The following M1AP variants were observed in gnomAD, a reference collection of about 807,000 sequenced individuals.
M1AP encodes the protein meiosis 1 arrest protein.
In M1AP, 39 loss-of-function variants were observed where a neutral mutation model predicts 51.2. The ratio of observed to expected loss-of-function variants is 0.76; its 90% CI spans 0.59 to 1.00. M1AP has a LOEUF of 1.00. M1AP is among the 50% of genes least tolerant of loss of function. The pLI, the probability that M1AP is intolerant of heterozygous loss-of-function variation, is 0.00. For missense variants in M1AP, 545 were observed against 641.2 expected, an observed-to-expected ratio of 0.85 and a Z score of 1.62; for synonymous variants, 251 against 249.2, an observed-to-expected ratio of 1.01 and a Z score of -0.07.
chr2:74,592,845 G>A lies in M1AP; in HGVS notation c.596-10998C>T, dbSNP rs374562770. Reference sequence around the variant, plus strand: ...CCAGATGGCTAAACCAGTTGTCCCAGCATTACTTTTTGAGCAAGTTCATCT... The same window carrying A: ...CCAGATGGCTAAACCAGTTGTCCCAACATTACTTTTTGAGCAAGTTCATCT... On this transcript the variant is annotated intron_variant, in intron 4 of 10. Transcript: ENST00000421985. Among the ~76,000 whole-genome samples, 10 of 152,256 alleles carry A rather than the reference G, an allele frequency of 6.6e-5. No individual in the cohort carries two copies. The East Asian group carries it at 1.9e-3, about 29-fold the overall frequency.
In M1AP at chr2:74,575,520, C is replaced by G; in HGVS notation, c.992G>C (p.Arg331Thr). The change falls in exon 7 of 11, where the codon AGA becomes ACA. Residue 331 changes from arginine (R) to threonine (T), a missense_variant. Coordinates refer to ENST00000421985, the MANE Select transcript of M1AP (RefSeq NM_001321739.2). ...SLTYGLPFIL[R>T]PTSCWQLDWD... ...GTCCAGCTGCCAACAGCTTGTAGGT[C>G]TGAGGATGAACGGGAGTCCATATGT... is the stretch of plus-strand genomic sequence containing the variant. The G allele has an allele frequency of 6.2e-7, 1 of 1,614,188 alleles. No homozygotes were observed. Among genetic ancestry groups the G allele is most frequent in the Non-Finnish European group, 8.5e-7 (1 of 1,180,032 alleles).
At chr2:74,571,971 T>C (rs1678769640) in intron 7 of M1AP, among the ~76,000 whole-genome samples, 1 of 143,960 alleles carries the variant, frequency 6.9e-6, no homozygotes, top group East Asian at 2.0e-4. Context: ...ACTCCAGGCC[T>C]GGGCAACAAG....
At chr2:74,617,350 A>G (rs1573154126) in intron 2 of M1AP, among the ~76,000 whole-genome samples, 1 of 152,366 alleles carries the variant, frequency 6.6e-6, no homozygotes, top group Admixed American at 6.5e-5. Flanking sequence ...ACTTCGGACT[A>G]AGCTTGTTTG....
At chr2:74,583,051 A>C (rs2104595650) in intron 4 of M1AP, among the ~76,000 whole-genome samples, 1 of 151,924 alleles carries the variant, frequency 6.6e-6, no homozygotes, top group East Asian at 1.9e-4. Context: ...ATAAAAAATA[A>C]AACATGGGAG....
At chr2:74,623,910 G>A (rs565487041) in intron 2 of M1AP, among the ~76,000 whole-genome samples, 33 of 152,198 alleles carry the variant, frequency 2.2e-4, no homozygotes, top group South Asian at 6.2e-4. Context: ...GCGCTCAAGC[G>A]ATCCTCCCAA....
In M1AP at chr2:74,560,391, G is replaced by T. The variant is rs1677838727; in HGVS notation, c.1282-100C>A. 13 of 1,266,346 alleles carry T rather than the reference G, an allele frequency of 1.0e-5. No homozygotes were observed. In the Middle Eastern group the frequency reaches 8.6e-4, roughly 84 times the overall value. The allele number at this position is 1,266,346 out of a possible 1,614,324, so 78.4% of individuals were successfully genotyped here. On this transcript the variant is annotated intron_variant, in intron 8 of 10. Coordinates refer to ENST00000421985, the MANE Select transcript of M1AP (RefSeq NM_001321739.2). ...GAGTGTGAGGGGCTGGAGGAAGTGT[G>T]AAACCCCAGGGCTGCCATGAAGGCT...
At chr2:74,598,700 T>C (rs1680497421) in intron 4 of M1AP, among the ~76,000 whole-genome samples, 2 of 151,080 alleles carry the variant, frequency 1.3e-5, no homozygotes, top group South Asian at 2.1e-4. Context: ...TCTTCATTTA[T>C]TGTGGCCTTG....
At chr2:74,641,695 C>G (rs550771242) in intron 1 of M1AP, among the ~76,000 whole-genome samples, 1 of 149,092 alleles carries the variant, frequency 6.7e-6, no homozygotes, top group Admixed American at 6.7e-5. Context: ...AAGATGGTCT[C>G]AAACTCCTGG....
At chr2:74,594,185 T>C (rs114507736) in intron 4 of M1AP, among the ~76,000 whole-genome samples, 10 of 152,234 alleles carry the variant, frequency 6.6e-5, no homozygotes, top group African/African-American at 2.4e-4. Context: ...AGCAATATAA[T>C]AGAATCCAGA....
At chr2:74,624,613 T>C (rs1167054468) in intron 2 of M1AP, among the ~76,000 whole-genome samples, 1 of 152,214 alleles carries the variant, frequency 6.6e-6, no homozygotes, top group Admixed American at 6.5e-5. Flanking sequence ...TATAAATTGG[T>C]ATTTTATCAG....
At position 74,571,806 on chromosome 2, in the gene M1AP, G is replaced by C. The variant is rs541324639; in HGVS notation, c.1074+3632C>G. Among the ~76,000 whole-genome samples, 44 of 152,264 alleles carry C rather than the reference G, an allele frequency of 2.9e-4. 1 individual carries two copies. Among genetic ancestry groups the C allele is most frequent in the Admixed American group, 1.6e-3 (25 of 15,290 alleles). On this transcript the variant is annotated intron_variant, in intron 7 of 10. Coordinates refer to ENST00000421985, the MANE Select transcript of M1AP (RefSeq NM_001321739.2). The stretch of plus-strand genomic sequence containing the variant: ...GAGGTTGGGAGTTTGCGACCAGCCT[G>C]ACCAACATGGAGAAACCCCGTCTCT...
chr2:74,646,660 G>T (rs1010078560), intron 1 of M1AP, among the ~76,000 whole-genome samples: 1 of 152,160 alleles, frequency 6.6e-6, no homozygotes, highest in African/African-American at 2.4e-5. Flanking sequence ...GTTTTACTAT[G>T]AGAGTTTTTT....
chr2:74,624,894 T>C (rs753490194), intron 2 of M1AP, among the ~76,000 whole-genome samples: 6 of 152,198 alleles, frequency 3.9e-5, no homozygotes, highest in Non-Finnish European at 5.9e-5. Context: ...CTGCAAACAG[T>C]GCTAAAATGA....
rs931103432 is a variant in M1AP at position 74,633,220 on chromosome 2, C to T, written c.240+6816G>A. Among the ~76,000 whole-genome samples the T allele has an allele frequency of 4.6e-5, 7 of 152,148 alleles. No individual in the cohort carries two copies. In the South Asian group the frequency reaches 6.2e-4, roughly 14 times the overall value. On this transcript the variant is annotated intron_variant, in intron 2 of 10. Coordinates refer to ENST00000421985, the MANE Select transcript of M1AP (RefSeq NM_001321739.2). ...CCAGATTGCCATGGGATGGCTGCAT[C>T]CTTCTTCTGAAGGCAACATGATTCT...
Position 74,581,665 on chromosome 2 carries a change from A to AT in M1AP, c.769+8dup. On this transcript the variant is annotated intron_variant, in intron 5 of 10. Transcript: ENST00000421985. ...ATCATAGCCTAAATATCTTTTGGGG[A>AT]TTATGTACTTGGATTATCTCTGGGT... is the stretch of plus-strand genomic sequence containing the variant. The AT allele has an allele frequency of 6.2e-7, 1 of 1,611,710 alleles. No homozygotes were observed. Among genetic ancestry groups the AT allele is most frequent in the African/African-American group, 1.3e-5 (1 of 74,958 alleles).
intron 1 of M1AP, among the ~76,000 whole-genome samples, chr2:74,645,953 A>G (rs879615227): frequency 2.2e-4 from 34 of 152,362 alleles, no homozygotes; most frequent in Middle Eastern, 3.4e-3. Context: ...CCAACAACAC[A>G]GTTCAAATTT....
intron 5 of M1AP, among the ~76,000 whole-genome samples, chr2:74,578,170 A>G (rs1158426010): frequency 6.6e-6 from 1 of 151,962 alleles, no homozygotes; most frequent in Non-Finnish European, 1.5e-5. Context: ...GGGGTTGGGG[A>G]CCCCGATCTA....
intron 5 of M1AP, 105 bp from the exon 6 acceptor site, chr2:74,576,723 C>A: frequency 1.5e-6 from 2 of 1,335,314 alleles, no homozygotes; most frequent in South Asian, 2.7e-5. Context: ...ATCTGCTACC[C>A]ATTCCATCTC....
At position 74,596,586 on chromosome 2, in the gene M1AP, GAACAAC is replaced by G. The variant is rs202200009; in HGVS notation, c.595+10463_595+10468del. Among the ~76,000 whole-genome samples, 235 of 150,688 alleles carry G rather than the reference GAACAAC, an allele frequency of 1.6e-3. 2 individuals carry two copies. Among genetic ancestry groups the G allele is most frequent in the African/African-American group, 5.1e-3 (210 of 41,038 alleles). On this transcript the variant is annotated intron_variant, in intron 4 of 10. Coordinates refer to ENST00000421985, the MANE Select transcript of M1AP (RefSeq NM_001321739.2). Reference sequence around the variant, plus strand: ...AAAAGAGCGAGACTCCATCTCAAAAGAACAACAACAACAACAACAACAACAACAACA... The same window carrying G: ...AAAAGAGCGAGACTCCATCTCAAAAGAACAACAACAACAACAACAACAACA...
Sources: allele counts gnomAD v4.1 joint callset (sites outside exome capture counted in the v4.1 genomes callset), GRCh38; gene constraint gnomAD v4.1.1; transcripts MANE v1.5; gene names NCBI Gene and HGNC (gene_info 2026-07-23, HGNC 2026-07-21).